Variants in RABGAP1L observed in about 807,000 individuals in gnomAD.
The protein encoded by RABGAP1L is rab GTPase-activating protein 1-like.
A neutral mutation model predicts 137.7 loss-of-function variants in RABGAP1L; 63 were observed. That is an observed-to-expected ratio of 0.46 (90% confidence interval 0.37 to 0.56). The LOEUF (loss-of-function observed/expected upper bound fraction) is 0.56. RABGAP1L is among the 20% of genes least tolerant of loss of function. The pLI, the probability that RABGAP1L is intolerant of heterozygous loss-of-function variation, is 0.00. For missense variants in RABGAP1L, 1,095 were observed against 1,244.0 expected (o/e 0.88, Z 1.80); for synonymous variants, 431 against 433.7 (o/e 0.99, Z 0.08).
chr1:174,884,479 A>T (rs1050358704), intron 19 of RABGAP1L, among the ~76,000 whole-genome samples: 2 of 152,234 alleles, frequency 1.3e-5, no homozygotes, highest in African/African-American at 4.8e-5. Context: ...CATATTTTTT[A>T]AAAATGTTAT....
Position 174,434,108 on chromosome 1 carries a change from TACACACACACAC to T in RABGAP1L, c.1710+39996_1710+40007del, listed in dbSNP as rs35509787. 1.8e-3 allele frequency among the ~76,000 whole-genome samples: 240 copies of T among 134,132 alleles called. 1 individual carries two copies. The highest frequency in any genetic ancestry group is 5.3e-3 in the African/African-American group (197 of 37,406). The allele number at this position is 134,132 out of a possible 152,430, so 88.0% of individuals were successfully genotyped here. A position where few individuals can be genotyped will look rare whatever the true frequency, so the allele number is the denominator to read the frequency against. ...GCACATGAGCGCATGCGTGTACACA[TACACACACACAC>T]ACACACACACACACACACACACACA... is the stretch of plus-strand genomic sequence containing the variant. On this transcript the variant is annotated intron_variant, in intron 13 of 25. Transcript: ENST00000681986.
intron 18 of RABGAP1L, among the ~76,000 whole-genome samples, chr1:174,811,194 A>G (rs755863950): frequency 9.2e-5 from 14 of 152,172 alleles, no homozygotes; most frequent in Non-Finnish European, 1.6e-4. Flanking sequence ...AGATATATTT[A>G]TTTCCAAATG....
At chr1:174,363,421 G>A (rs2148971142) in intron 11 of RABGAP1L, among the ~76,000 whole-genome samples, 1 of 152,254 alleles carries the variant, frequency 6.6e-6, no homozygotes, top group Admixed American at 6.5e-5. Context: ...TATGAGCATG[G>A]AATGTTTTTC....
chr1:174,349,959 G>T (rs1204558704), intron 11 of RABGAP1L, among the ~76,000 whole-genome samples: 9 of 135,092 alleles, frequency 6.7e-5, no homozygotes, highest in Non-Finnish European at 1.1e-4. Context: ...CGGGTGGGGG[G>T]GCTGACCCCC....
intron 19 of RABGAP1L, among the ~76,000 whole-genome samples, chr1:174,835,476 C>T (rs886066606): frequency 5.9e-5 from 9 of 152,104 alleles, no homozygotes; most frequent in Non-Finnish European, 1.0e-4. Flanking sequence ...GCAATAAATA[C>T]ACCATTCATT....
At chr1:174,881,875 T>C (rs1301410307) in intron 19 of RABGAP1L, among the ~76,000 whole-genome samples, 2 of 152,166 alleles carry the variant, frequency 1.3e-5, no homozygotes, top group African/African-American at 4.8e-5. Context: ...TGTTTTTTTG[T>C]TTTGAGATGC....
chr1:174,164,497 T>C (rs758832252), intron 1 of RABGAP1L, among the ~76,000 whole-genome samples: 1 of 152,170 alleles, frequency 6.6e-6, no homozygotes, highest in Non-Finnish European at 1.5e-5. Flanking sequence ...ATATTTATCT[T>C]TTCAGGGCCC....
At chr1:174,285,004 A>G (rs576814711) in intron 10 of RABGAP1L, among the ~76,000 whole-genome samples, 13 of 151,226 alleles carry the variant, frequency 8.6e-5, no homozygotes, top group South Asian at 4.2e-4. Flanking sequence ...TCCTTCATCA[A>G]TGTCTTACAG....
chr1:174,675,150 T>G (rs1174263808), intron 14 of RABGAP1L, among the ~76,000 whole-genome samples: 1 of 152,236 alleles, frequency 6.6e-6, no homozygotes, highest in Non-Finnish European at 1.5e-5. Flanking sequence ...GTTTTAGACA[T>G]GAAGTCTTTG....
intron 13 of RABGAP1L, among the ~76,000 whole-genome samples, chr1:174,553,589 T>A (rs1666692835): frequency 6.6e-6 from 1 of 152,230 alleles, no homozygotes; most frequent in South Asian, 2.1e-4. Context: ...GAAGCTAATG[T>A]TATTACTCTA....
intron 14 of RABGAP1L, among the ~76,000 whole-genome samples, chr1:174,661,965 A>G (rs187473976): frequency 4.6e-5 from 7 of 152,266 alleles, no homozygotes; most frequent in Admixed American, 3.3e-4. Context: ...GTAAACAACT[A>G]TATTACTAGT....
intron 13 of RABGAP1L, among the ~76,000 whole-genome samples, chr1:174,615,865 T>C (rs1417621267): frequency 1.3e-5 from 2 of 152,148 alleles, no homozygotes; most frequent in East Asian, 1.9e-4. Flanking sequence ...ACTCCGTGGG[T>C]GTAGGACCCT....
intron 14 of RABGAP1L, among the ~76,000 whole-genome samples, chr1:174,665,107 T>C (rs1015220975): frequency 4.6e-5 from 7 of 152,178 alleles, no homozygotes; most frequent in Admixed American, 2.6e-4. Context: ...GAAATGCAGA[T>C]TAAAAAGAAG....
intron 15 of RABGAP1L, among the ~76,000 whole-genome samples, chr1:174,698,122 C>T (rs542748599): frequency 1.1e-4 from 17 of 152,066 alleles, no homozygotes; most frequent in Non-Finnish European, 2.1e-4. Flanking sequence ...GTATGAAATA[C>T]CATAATCAAC....
chr1:174,967,018 A>C (rs1669686353), intron 20 of RABGAP1L, among the ~76,000 whole-genome samples: 1 of 152,186 alleles, frequency 6.6e-6, no homozygotes, highest in Non-Finnish European at 1.5e-5. Flanking sequence ...TAAAAGAACA[A>C]GGACAACAAT....
At chr1:174,181,775 C>T (rs1666391105) in intron 1 of RABGAP1L, among the ~76,000 whole-genome samples, 2 of 152,044 alleles carry the variant, frequency 1.3e-5, no homozygotes, top group South Asian at 2.1e-4. Flanking sequence ...GGTCACTATT[C>T]CTGAGCATAT....
chr1:174,832,777 C>T lies in RABGAP1L; in HGVS notation c.2340+20817C>T, dbSNP rs76450200. 1.2e-3 allele frequency among the ~76,000 whole-genome samples: 185 copies of T among 152,316 alleles called. 4 individuals carry two copies. In the East Asian group the frequency reaches 0.022, roughly 18 times the overall value. On this transcript the variant is annotated intron_variant, in intron 19 of 25. Transcript: ENST00000681986. Reference sequence around the variant, plus strand: ...CCCCAGGTCCCTTTCTCCAGCTTGCCACTCCTACATATTTTTCCCTTATGA... The same window carrying T: ...CCCCAGGTCCCTTTCTCCAGCTTGCTACTCCTACATATTTTTCCCTTATGA...
intron 11 of RABGAP1L, among the ~76,000 whole-genome samples, chr1:174,306,143 T>A (rs1678219607): frequency 6.6e-6 from 1 of 152,236 alleles, no homozygotes; most frequent in Non-Finnish European, 1.5e-5. Flanking sequence ...ATGTGCCACA[T>A]TTTCGTAATC....
At chr1:174,413,784 A>C (rs1650217426) in intron 13 of RABGAP1L, among the ~76,000 whole-genome samples, 1 of 152,094 alleles carries the variant, frequency 6.6e-6, no homozygotes, top group Non-Finnish European at 1.5e-5. Flanking sequence ...GTGCAATTTA[A>C]TGTACAAGCC....
Sources: gnomAD v4.1 joint callset for allele counts (sites outside exome capture counted in the v4.1 genomes callset) on GRCh38, gnomAD v4.1.1 for gene constraint, MANE v1.5 for transcripts, NCBI Gene and HGNC (gene_info 2026-07-23, HGNC 2026-07-21) for gene names.